Variants in RASSF9 observed in about 807,000 individuals in gnomAD.
RASSF9 encodes ras association domain-containing protein 9.
A neutral mutation model predicts 21.4 loss-of-function variants in RASSF9; 18 were observed. The observed-to-expected ratio is 0.84, with a 90% CI of 0.58 to 1.25. The LOEUF is 1.25. Among genes scored for constraint, RASSF9 ranks in the 50% most tolerant of loss-of-function variants. The pLI is 0.00. For missense variants in RASSF9, 480 were observed against 503.2 expected, an observed-to-expected ratio of 0.95 and a Z score of 0.44; for synonymous variants, 183 against 179.1, an observed-to-expected ratio of 1.02 and a Z score of -0.18.
rs1307469854 is a variant in RASSF9, at chr12:85,803,656, C to T, written c.*1046G>A. ...CAAGATAAGACCTAAATAATCCCTT[C>T]AATTTCTTGAATTCTTACTAGTGTG... is the stretch of plus-strand genomic sequence containing the variant. On this transcript the variant is annotated 3_prime_UTR_variant, in exon 2 of 2. Coordinates refer to ENST00000361228, the MANE Select transcript of RASSF9 (RefSeq NM_005447.4). The T allele has an allele frequency of 6.6e-6, 1 of 152,134 alleles. No homozygotes were observed. Among genetic ancestry groups the T allele is most frequent in the Non-Finnish European group, 1.5e-5 (1 of 68,010 alleles). 9.4% of individuals were successfully genotyped at this position (152,134 alleles called of 1,614,324 possible).
intron 1 of RASSF9, among the ~76,000 whole-genome samples, chr12:85,828,586 T>C (rs1880384244): frequency 6.6e-6 from 1 of 152,160 alleles, no homozygotes; most frequent in Non-Finnish European, 1.5e-5. Context: ...TTCTAAATTG[T>C]GATTACAGCA....
At chr12:85,819,414 T>A (rs1287576375) in intron 1 of RASSF9, among the ~76,000 whole-genome samples, 1 of 152,164 alleles carries the variant, frequency 6.6e-6, no homozygotes, top group Admixed American at 6.5e-5. Context: ...TACGAAAATT[T>A]AAAATGACCT....
chr12:85,817,281 C>T (rs1449445633), intron 1 of RASSF9, among the ~76,000 whole-genome samples: 1 of 152,028 alleles, frequency 6.6e-6, no homozygotes. Flanking sequence ...GAGTCAAATA[C>T]AATGTCACAG....
In RASSF9 at chr12:85,805,654, G is replaced by A. The variant is rs376915903; in HGVS notation, c.356C>T (p.Ala119Val). The A allele has an allele frequency of 6.2e-7, 1 of 1,613,994 alleles. No homozygotes were observed. The change falls in exon 2 of 2, where the codon GCT (alanine) becomes GTT (valine). Residue 119 changes from alanine to valine, a missense_variant. Physicochemically the swap from Ala to Val is moderately conservative, Grantham distance 64. Transcript: ENST00000361228. ...NMQFVLVKAD[A>V]FLPVPLWRTA... ...CCGCCACAAAGGAACTGGAAGAAAAGCATCTGCTTTAACCAAAACAAATTG... is the reference window on the plus strand; with the variant it reads ...CCGCCACAAAGGAACTGGAAGAAAAACATCTGCTTTAACCAAAACAAATTG...
At position 85,806,112 on chromosome 12, in the gene RASSF9, T is replaced by C. The variant is rs190180571; in HGVS notation, c.48-150A>G. On this transcript the variant is annotated intron_variant, in intron 1 of 1. Transcript: ENST00000361228. ...CCCAGGCTGGAGTGCAGTGGTGCGGTCTCAGCTCACTGCAAGCTCCGCTTC... is the reference window on the plus strand; with the variant it reads ...CCCAGGCTGGAGTGCAGTGGTGCGGCCTCAGCTCACTGCAAGCTCCGCTTC... 6.8e-3 allele frequency: 5,312 copies of C among 782,588 alleles called. 225 individuals are homozygous for C. In the African/African-American group the frequency reaches 0.083, roughly 12 times the overall value. 48.5% of individuals were successfully genotyped at this position (782,588 alleles called of 1,614,324 possible).
intron 1 of RASSF9, 122 bp downstream of exon 1, chr12:85,836,032 CT>C: frequency 1.3e-6 from 2 of 1,521,908 alleles, no homozygotes; most frequent in East Asian, 2.5e-5. Context: ...CCCACGAAGC[CT>C]TTTTTTATCA....
intron 1 of RASSF9, among the ~76,000 whole-genome samples, chr12:85,820,515 A>G (rs1880183019): frequency 6.6e-6 from 1 of 152,196 alleles, no homozygotes; most frequent in Admixed American, 6.5e-5. Context: ...ACATTTCACA[A>G]TATTTAAGGT....
intron 1 of RASSF9, among the ~76,000 whole-genome samples, chr12:85,821,805 A>G (rs1051292570): frequency 1.3e-5 from 2 of 152,200 alleles, no homozygotes; most frequent in African/African-American, 2.4e-5. Context: ...GCTATAGAAC[A>G]TAATTCCCAT....
intron 1 of RASSF9, among the ~76,000 whole-genome samples, chr12:85,829,605 T>C (rs1347808948): frequency 6.6e-6 from 1 of 152,100 alleles, no homozygotes; most frequent in Non-Finnish European, 1.5e-5. Context: ...AGCCCCCTCC[T>C]ACATATTTTT....
chr12:85,812,371 A>C (rs1879972211), intron 1 of RASSF9, among the ~76,000 whole-genome samples: 1 of 151,378 alleles, frequency 6.6e-6, no homozygotes, highest in African/African-American at 2.4e-5. Flanking sequence ...GTTTATAATC[A>C]CATAGTATGT....
At chr12:85,817,638 A>G (rs1360783889) in intron 1 of RASSF9, among the ~76,000 whole-genome samples, 2 of 152,074 alleles carry the variant, frequency 1.3e-5, no homozygotes, top group South Asian at 2.1e-4. Context: ...ATAAATTATT[A>G]TAATTTGTTT....
In RASSF9 at chr12:85,836,164, T is replaced by C; in HGVS notation, c.38A>G (p.His13Arg). The change falls in exon 1 of 2, where the codon CAT (histidine) becomes CGT (arginine). Residue 13 changes from histidine to arginine, a missense_variant. Coordinates refer to ENST00000361228, the MANE Select transcript of RASSF9 (RefSeq NM_005447.4). The part of the protein sequence containing the change: ...PFGRNLLKTR[H>R]KNRSPTKDMD... ...ACACGCTTGACTTTACCTGTTTTTA[T>C]GCCGAGTCTTTAGCAAGTTTCTTCC... 6.4e-7 allele frequency: 1 copy of C among 1,550,860 alleles called. No individual in the cohort carries two copies. The highest frequency in any genetic ancestry group is 8.7e-7 in the Non-Finnish European group (1 of 1,146,936).
At chr12:85,828,322 A>G (rs1880377842) in intron 1 of RASSF9, among the ~76,000 whole-genome samples, 1 of 152,116 alleles carries the variant, frequency 6.6e-6, no homozygotes, top group African/African-American at 2.4e-5. Context: ...TGTAGGCAGT[A>G]ATAATTTAAT....
chr12:85,821,517 AT>A (rs1353600567), intron 1 of RASSF9, among the ~76,000 whole-genome samples: 3 of 152,188 alleles, frequency 2.0e-5, no homozygotes, highest in Admixed American at 1.3e-4. Flanking sequence ...AACCATTAAC[AT>A]TTTTTAAAAA....
chr12:85,812,007 G>A, intron 1 of RASSF9, among the ~76,000 whole-genome samples: 1 of 151,646 alleles, frequency 6.6e-6, no homozygotes, highest in East Asian at 1.9e-4. Flanking sequence ...GAACTAGTTT[G>A]TCCATTTCAA....
intron 1 of RASSF9, among the ~76,000 whole-genome samples, chr12:85,835,586 C>A (rs1045790056): frequency 5.3e-5 from 8 of 151,796 alleles, no homozygotes; most frequent in Non-Finnish European, 1.0e-4. Context: ...AGAATCAATT[C>A]AAACAAAGTT....
At chr12:85,806,104 T>G in intron 1 of RASSF9, 142 bp from the exon 2 acceptor site, 5 of 858,124 alleles carry the variant, frequency 5.8e-6, no homozygotes, top group Non-Finnish European at 8.6e-6. Context: ...TGGAGTGCAG[T>G]GGTGCGGTCT....
At chr12:85,832,908 AAAGATTAACTCTC>A (rs1282638196) in intron 1 of RASSF9, among the ~76,000 whole-genome samples, 2 of 152,058 alleles carry the variant, frequency 1.3e-5, no homozygotes, top group East Asian at 3.9e-4. Context: ...GAAAAATTCT[AAAGATTAACTCTC>A]ATTGTAAACA....
chr12:85,824,839 C>T (rs541380831), intron 1 of RASSF9, among the ~76,000 whole-genome samples: 1 of 152,264 alleles, frequency 6.6e-6, no homozygotes, highest in African/African-American at 2.4e-5. Context: ...ATTTTGACTT[C>T]GAGCTTTTCC....
Sources: gnomAD v4.1 joint callset for allele counts (sites outside exome capture counted in the v4.1 genomes callset) on GRCh38, gnomAD v4.1.1 for gene constraint, MANE v1.5 for transcripts, NCBI Gene and HGNC (gene_info 2026-07-23, HGNC 2026-07-21) for gene names.